The following COG5 variants were observed in gnomAD, a reference collection of about 807,000 sequenced individuals.
The protein encoded by COG5 is conserved oligomeric Golgi complex subunit 5.
Under a neutral mutation model 110.4 loss-of-function variants are expected in COG5, and 86 were observed. That is an observed-to-expected ratio of 0.78 (90% CI 0.65 to 0.93). COG5 has a LOEUF of 0.93. Among genes scored for constraint, COG5 ranks in the 40% least tolerant of loss-of-function variants. COG5 has a pLI of 0.00. For synonymous variants in COG5, 360 were observed against 334.6 expected, an observed-to-expected ratio of 1.08 and a Z score of -0.83; for missense variants, 1,077 against 987.0, an observed-to-expected ratio of 1.09 and a Z score of -1.22.
At chr7:107,360,069 G>A (rs562454401) in intron 10 of COG5, among the ~76,000 whole-genome samples, 1 of 152,052 alleles carries the variant, frequency 6.6e-6, no homozygotes, top group East Asian at 1.9e-4. Flanking sequence ...GCAGGTATAA[G>A]CTAACCACTC....
intron 7 of COG5, among the ~76,000 whole-genome samples, chr7:107,393,519 T>G (rs1790773721): frequency 6.6e-6 from 1 of 152,250 alleles, no homozygotes; most frequent in South Asian, 2.1e-4. Flanking sequence ...AGTAGCATAA[T>G]GCTAACTTTA....
At chr7:107,421,222 T>C (rs764641658) in intron 6 of COG5, among the ~76,000 whole-genome samples, 1 of 152,226 alleles carries the variant, frequency 6.6e-6, no homozygotes, top group Admixed American at 6.5e-5. Flanking sequence ...CAGAAAGATA[T>C]TTCAGGTACT....
chr7:107,518,701 A>G (rs1800119261), intron 6 of COG5, among the ~76,000 whole-genome samples: 1 of 152,174 alleles, frequency 6.6e-6, no homozygotes, highest in Admixed American at 6.5e-5. Context: ...ACTCCCACAC[A>G]GTAATAGTGG....
At chr7:107,481,805 T>C (rs1029158684) in intron 6 of COG5, among the ~76,000 whole-genome samples, 10 of 152,328 alleles carry the variant, frequency 6.6e-5, no homozygotes, top group African/African-American at 1.7e-4. Flanking sequence ...ACCTACTTTA[T>C]AAAAACTGTC....
chr7:107,485,177 G>C (rs543366883), intron 6 of COG5, among the ~76,000 whole-genome samples: 1 of 152,296 alleles, frequency 6.6e-6, no homozygotes, highest in Admixed American at 6.5e-5. Context: ...GAGCTGAAGC[G>C]AAGACTAAAA....
At chr7:107,204,094 T>C (rs562240638) in intron 21 of COG5, among the ~76,000 whole-genome samples, 5 of 152,320 alleles carry the variant, frequency 3.3e-5, no homozygotes, top group Non-Finnish European at 2.9e-5. Context: ...ATTCCTGTTA[T>C]TTGATGAACT....
intron 10 of COG5, among the ~76,000 whole-genome samples, chr7:107,331,285 A>T (rs1339826434): frequency 6.6e-6 from 1 of 151,978 alleles, no homozygotes; most frequent in South Asian, 2.1e-4. Flanking sequence ...GGCTACCATT[A>T]TGAAACACCA....
chr7:107,330,194 AT>A (rs1810118355), intron 10 of COG5, among the ~76,000 whole-genome samples: 1 of 152,226 alleles, frequency 6.6e-6, no homozygotes, highest in Non-Finnish European at 1.5e-5. Context: ...AACATTTGTA[AT>A]TTAAAGTATC....
intron 6 of COG5, among the ~76,000 whole-genome samples, chr7:107,484,951 T>C (rs1358727861): frequency 6.6e-6 from 1 of 152,178 alleles, no homozygotes; most frequent in Non-Finnish European, 1.5e-5. Flanking sequence ...AGAAGACAAG[T>C]GTCTTAAAAA....
At chr7:107,292,346 C>G (rs1344900060) in intron 12 of COG5, among the ~76,000 whole-genome samples, 1 of 152,164 alleles carries the variant, frequency 6.6e-6, no homozygotes, top group East Asian at 1.9e-4. Flanking sequence ...TTGCCTGCCT[C>G]TACCCAAGTA....
intron 17 of COG5, among the ~76,000 whole-genome samples, chr7:107,242,957 C>A (rs1289718942): frequency 6.6e-6 from 1 of 152,152 alleles, no homozygotes. Flanking sequence ...CCTAGAAACC[C>A]ATCTCATATG....
intron 11 of COG5, among the ~76,000 whole-genome samples, chr7:107,313,712 C>A (rs943131746): frequency 6.6e-6 from 1 of 152,166 alleles, no homozygotes; most frequent in African/African-American, 2.4e-5. Flanking sequence ...CTGAGTCCTG[C>A]TTTCCTCTTA....
At chr7:107,236,720 G>A (rs374501325) in intron 17 of COG5, 33 bp from the exon 18 acceptor site, 20 of 1,372,142 alleles carry the variant, frequency 1.5e-5, no homozygotes, top group African/African-American at 4.3e-5. Context: ...TTTCAGCACC[G>A]CTGCACTAAA....
At chr7:107,351,941 C>A (rs1812179294) in intron 10 of COG5, among the ~76,000 whole-genome samples, 1 of 147,286 alleles carries the variant, frequency 6.8e-6, no homozygotes, top group Admixed American at 6.9e-5. Context: ...TACCATTTGA[C>A]CCAGCCATCC....
At chr7:107,337,051 T>G (rs544412920) in intron 10 of COG5, among the ~76,000 whole-genome samples, 2 of 152,224 alleles carry the variant, frequency 1.3e-5, no homozygotes, top group East Asian at 3.9e-4. Context: ...TAAAAAATTG[T>G]CAACATCACT....
At chr7:107,364,076 C>T (rs113864216) in intron 8 of COG5, among the ~76,000 whole-genome samples, 72 of 152,174 alleles carry the variant, frequency 4.7e-4, no homozygotes, top group African/African-American at 1.7e-3. Flanking sequence ...CTGGCATATG[C>T]CAATTTAATG....
intron 10 of COG5, among the ~76,000 whole-genome samples, chr7:107,354,781 T>TA (rs1211337892): frequency 6.6e-6 from 1 of 152,240 alleles, no homozygotes; most frequent in East Asian, 1.9e-4. Context: ...TCCCTCATAA[T>TA]ATCTCAGTTC....
At chr7:107,378,761 T>A (rs1260258139) in intron 7 of COG5, among the ~76,000 whole-genome samples, 2 of 151,798 alleles carry the variant, frequency 1.3e-5, no homozygotes, top group South Asian at 4.2e-4. Flanking sequence ...CTCCAAGAAA[T>A]AGGGCACTAG....
chr7:107,233,871 T>C (rs1380057555), intron 18 of COG5, among the ~76,000 whole-genome samples: 2 of 152,202 alleles, frequency 1.3e-5, no homozygotes, highest in Non-Finnish European at 2.9e-5. Flanking sequence ...CCAAATGTGA[T>C]GCTAAAAGCT....
Sources: allele counts gnomAD v4.1 joint callset (sites outside exome capture counted in the v4.1 genomes callset), GRCh38; gene constraint gnomAD v4.1.1; transcripts MANE v1.5; gene names NCBI Gene and HGNC (gene_info 2026-07-23, HGNC 2026-07-21).